POU2F1: variants seen among roughly 807,000 people sequenced by gnomAD.
POU2F1 encodes POU class 2 homeobox 1, also known as POU domain, class 2, transcription factor 1.
In POU2F1, 16 loss-of-function variants were observed where a neutral mutation model predicts 84.9. The ratio of observed to expected loss-of-function variants is 0.19; its 90% CI spans 0.13 to 0.29. The LOEUF is 0.29. Among genes scored for constraint, POU2F1 ranks in the 10% least tolerant of loss-of-function variants. The pLI, the probability that POU2F1 is intolerant of heterozygous loss-of-function variation, is 1.00. For missense variants in POU2F1, 738 were observed against 942.6 expected, an observed-to-expected ratio of 0.78 and a Z score of 2.84; for synonymous variants, 368 against 368.3, an observed-to-expected ratio of 1.00 and a Z score of 0.01.
chr1:167,273,435 C>G (rs1010132475), intron 1 of POU2F1, among the ~76,000 whole-genome samples: 1 of 152,210 alleles, frequency 6.6e-6, no homozygotes, highest in African/African-American at 2.4e-5. Flanking sequence ...TGCATGAGGC[C>G]TCTGCTCCTG....
intron 4 of POU2F1, among the ~76,000 whole-genome samples, chr1:167,370,932 C>T (rs892536314): frequency 6.6e-6 from 1 of 152,116 alleles, no homozygotes; most frequent in Admixed American, 6.5e-5. Context: ...TTCTATCAAC[C>T]TGCTGGTTCC....
chr1:167,392,212 G>A (rs1031837869), intron 9 of POU2F1, among the ~76,000 whole-genome samples: 2 of 151,938 alleles, frequency 1.3e-5, no homozygotes, highest in East Asian at 1.9e-4. Flanking sequence ...TTAGCCGGGC[G>A]TGCTGGCGGG....
In POU2F1 at chr1:167,314,959, A is replaced by G. The variant is rs1283726349; in HGVS notation, c.62-17511A>G. Reference sequence around the variant, plus strand: ...CTTCTTGATAGTGAGTTCTCATGGGATCTGGTTATTTTAAAGTGTATGGCA... The same window carrying G: ...CTTCTTGATAGTGAGTTCTCATGGGGTCTGGTTATTTTAAAGTGTATGGCA... On this transcript the variant is annotated intron_variant, in intron 1 of 15. Coordinates refer to ENST00000367866, the MANE Select transcript of POU2F1 (RefSeq NM_002697.4). 2.0e-5 allele frequency among the ~76,000 whole-genome samples: 3 copies of G among 151,846 alleles called. No homozygotes were observed. In the East Asian group the frequency reaches 5.8e-4, roughly 29 times the overall value.
At chr1:167,250,354 G>C (rs1225558910) in intron 1 of POU2F1, among the ~76,000 whole-genome samples, 4 of 152,040 alleles carry the variant, frequency 2.6e-5, no homozygotes, top group Non-Finnish European at 4.4e-5. Flanking sequence ...AGTGTTTTTG[G>C]CTTATTATTA....
In POU2F1 at chr1:167,320,300, A is replaced by G. The variant is rs980278605; in HGVS notation, c.62-12170A>G. Among the ~76,000 whole-genome samples the G allele has an allele frequency of 7.2e-5, 11 of 152,190 alleles. No homozygotes were observed. In the East Asian group the frequency reaches 1.3e-3, roughly 19 times the overall value. On this transcript the variant is annotated intron_variant, in intron 1 of 15. Coordinates refer to ENST00000367866, the MANE Select transcript of POU2F1 (RefSeq NM_002697.4). ...GAGCTGAAGTATAGGGCGTCTGGAA[A>G]ACTTTACCTTTCAAGCCAGAATAAG... is the stretch of plus-strand genomic sequence containing the variant.
chr1:167,291,182 TCA>T (rs1653900074), intron 1 of POU2F1, among the ~76,000 whole-genome samples: 1 of 152,248 alleles, frequency 6.6e-6, no homozygotes, highest in South Asian at 2.1e-4. Flanking sequence ...TGCTATTCAT[TCA>T]GTGTCCTTAA....
At chr1:167,322,003 T>C (rs971943850) in intron 1 of POU2F1, among the ~76,000 whole-genome samples, 2 of 152,212 alleles carry the variant, frequency 1.3e-5, no homozygotes, top group African/African-American at 2.4e-5. Flanking sequence ...TACTTTGATA[T>C]ACTTCAGAGG....
intron 13 of POU2F1, among the ~76,000 whole-genome samples, chr1:167,409,520 A>G (rs1465910688): frequency 1.3e-5 from 2 of 152,192 alleles, no homozygotes; most frequent in Non-Finnish European, 2.9e-5. Flanking sequence ...TGAAAACATG[A>G]CTCACTGACT....
At chr1:167,264,651 A>G (rs1220954623) in intron 1 of POU2F1, among the ~76,000 whole-genome samples, 3 of 152,192 alleles carry the variant, frequency 2.0e-5, no homozygotes, top group African/African-American at 4.8e-5. Context: ...CCACCCTGGT[A>G]TAAATCTCAT....
At chr1:167,390,495 G>GT (rs1320980593) in intron 9 of POU2F1, among the ~76,000 whole-genome samples, 3 of 152,196 alleles carry the variant, frequency 2.0e-5, no homozygotes, top group African/African-American at 7.2e-5. Context: ...TTTAAAAACA[G>GT]TTTTTTGTAG....
At chr1:167,230,795 G>T (rs1434042827) in intron 1 of POU2F1, among the ~76,000 whole-genome samples, 1 of 152,186 alleles carries the variant, frequency 6.6e-6, no homozygotes, top group African/African-American at 2.4e-5. Flanking sequence ...GGAACATACT[G>T]GTAGGGACAG....
At chr1:167,226,692 A>T (rs999369339) in intron 1 of POU2F1, among the ~76,000 whole-genome samples, 12 of 152,216 alleles carry the variant, frequency 7.9e-5, no homozygotes, top group African/African-American at 2.9e-4. Flanking sequence ...TGCTCCTTGC[A>T]TACAGTGCAT....
chr1:167,292,618 T>G (rs1169737228), intron 1 of POU2F1, among the ~76,000 whole-genome samples: 1 of 151,710 alleles, frequency 6.6e-6, no homozygotes, highest in African/African-American at 2.4e-5. Context: ...TAAATCATTC[T>G]ATGAAGCCAG....
chr1:167,398,195 TTAG>T (rs1648947771), intron 11 of POU2F1, 62 bp downstream of exon 11: 2 of 1,546,284 alleles, frequency 1.3e-6, no homozygotes, highest in Admixed American at 3.9e-5. Flanking sequence ...ACATTAGTAC[TTAG>T]TAGAAACTGT....
chr1:167,314,549 G>C (rs1655742483), intron 1 of POU2F1, among the ~76,000 whole-genome samples: 2 of 151,472 alleles, frequency 1.3e-5, no homozygotes, highest in Admixed American at 1.3e-4. Flanking sequence ...GGCTGAGGTG[G>C]GAGGATGGCT....
At chr1:167,351,671 T>C (rs1457689082) in intron 2 of POU2F1, among the ~76,000 whole-genome samples, 1 of 152,076 alleles carries the variant, frequency 6.6e-6, no homozygotes, top group Admixed American at 6.5e-5. Context: ...AGGCTGGCCC[T>C]TAAAGTCTTC....
intron 2 of POU2F1, among the ~76,000 whole-genome samples, chr1:167,346,279 A>G (rs1352847490): frequency 6.6e-6 from 1 of 152,218 alleles, no homozygotes; most frequent in East Asian, 1.9e-4. Flanking sequence ...AAATCTTGTC[A>G]TGCATCACTG....
At chr1:167,404,208 G>A (rs997815089) in intron 13 of POU2F1, among the ~76,000 whole-genome samples, 38 of 150,254 alleles carry the variant, frequency 2.5e-4, no homozygotes, top group African/African-American at 8.8e-4. Context: ...AGGATTTTTT[G>A]GCATTCACTC....
intron 1 of POU2F1, among the ~76,000 whole-genome samples, chr1:167,321,280 T>A (rs1656294272): frequency 6.6e-6 from 1 of 152,238 alleles, no homozygotes; most frequent in South Asian, 2.1e-4. Flanking sequence ...TGGCAACACT[T>A]TCCTATAAAA....
Sources: allele counts gnomAD v4.1 joint callset (sites outside exome capture counted in the v4.1 genomes callset), GRCh38; gene constraint gnomAD v4.1.1; transcripts MANE v1.5; gene names NCBI Gene and HGNC (gene_info 2026-07-23, HGNC 2026-07-21).